Variants in CSMD1 observed in about 807,000 individuals in gnomAD.
CSMD1 encodes the protein CUB and sushi domain-containing protein 1.
A neutral mutation model predicts 417.5 loss-of-function variants in CSMD1; 213 were observed. The ratio of observed to expected loss-of-function variants is 0.51; its 90% CI spans 0.46 to 0.57. CSMD1 has a LOEUF of 0.57. CSMD1 is among the 20% of genes least tolerant of loss of function. The pLI is 0.00. For synonymous variants in CSMD1, 2,862 were observed against 1,736.8 expected, an observed-to-expected ratio of 1.65 and a Z score of -16.11; for missense variants, 6,923 against 4,529.7, an observed-to-expected ratio of 1.53 and a Z score of -15.17.
chr8:4,247,549 C>A (rs931146841), intron 3 of CSMD1, among the ~76,000 whole-genome samples: 4 of 152,106 alleles, frequency 2.6e-5, no homozygotes, highest in African/African-American at 9.7e-5. Flanking sequence ...GAATCAAAGG[C>A]TTTTAAGAAT....
chr8:4,658,568 A>G (rs1804384678), intron 1 of CSMD1, among the ~76,000 whole-genome samples: 1 of 152,154 alleles, frequency 6.6e-6, no homozygotes, highest in African/African-American at 2.4e-5. Flanking sequence ...AAATAAATAT[A>G]TTCACAAATT....
chr8:3,300,366 T>C (rs995896098), intron 25 of CSMD1, among the ~76,000 whole-genome samples: 2 of 152,092 alleles, frequency 1.3e-5, no homozygotes, highest in East Asian at 3.8e-4. Flanking sequence ...TAGGGGTTTT[T>C]TTTTCTGCAG....
intron 5 of CSMD1, among the ~76,000 whole-genome samples, chr8:3,913,937 A>G (rs1251520272): frequency 6.6e-6 from 1 of 151,898 alleles, no homozygotes; most frequent in Non-Finnish European, 1.5e-5. Context: ...AAATAAATTA[A>G]CGATCACTTT....
chr8:4,390,652 G>A (rs948047596), intron 3 of CSMD1, among the ~76,000 whole-genome samples: 5 of 151,564 alleles, frequency 3.3e-5, no homozygotes, highest in Admixed American at 6.6e-5. Context: ...GAGCTGGGAC[G>A]ACAGGCACCC....
intron 5 of CSMD1, among the ~76,000 whole-genome samples, chr8:3,910,586 T>C (rs979332201): frequency 2.6e-5 from 4 of 152,190 alleles, no homozygotes; most frequent in South Asian, 2.1e-4. Flanking sequence ...TGCATTATTT[T>C]TGGGTTCTAA....
intron 2 of CSMD1, among the ~76,000 whole-genome samples, chr8:4,625,118 G>A (rs958373810): frequency 1.3e-5 from 2 of 152,072 alleles, no homozygotes; most frequent in Admixed American, 1.3e-4. Flanking sequence ...CAGATGACAA[G>A]AGAACTATGA....
intron 3 of CSMD1, among the ~76,000 whole-genome samples, chr8:4,162,814 G>C (rs34370638): frequency 0.39 from 59,375 of 151,888 alleles, 11,816 homozygotes; most frequent in Middle Eastern, 0.5. Context: ...CTATGGGTGT[G>C]GATAAATATA....
At chr8:3,059,574 A>T (rs563708639) in intron 49 of CSMD1, among the ~76,000 whole-genome samples, 1 of 152,246 alleles carries the variant, frequency 6.6e-6, no homozygotes, top group East Asian at 1.9e-4. Context: ...GCACGTCAGG[A>T]CACCCTTCAG....
chr8:3,463,295 C>G (rs1214202803), intron 12 of CSMD1, among the ~76,000 whole-genome samples: 1 of 152,190 alleles, frequency 6.6e-6, no homozygotes, highest in Non-Finnish European at 1.5e-5. Context: ...AACTCAGGCT[C>G]TGCTTCCAAG....
At chr8:4,050,060 G>C (rs374578608) in intron 3 of CSMD1, among the ~76,000 whole-genome samples, 1 of 152,102 alleles carries the variant, frequency 6.6e-6, no homozygotes, top group Non-Finnish European at 1.5e-5. Context: ...CCCTCCTGTG[G>C]AACTTGTCTG....
chr8:4,615,980 A>G (rs1223726901), intron 2 of CSMD1, among the ~76,000 whole-genome samples: 3 of 152,298 alleles, frequency 2.0e-5, no homozygotes, highest in African/African-American at 7.2e-5. Flanking sequence ...TTCTTCTGTA[A>G]AAAACCACAT....
intron 3 of CSMD1, among the ~76,000 whole-genome samples, chr8:4,175,157 A>T (rs1045709715): frequency 6.7e-6 from 1 of 149,762 alleles, no homozygotes; most frequent in African/African-American, 2.4e-5. Context: ...ATCAAGAAAG[A>T]TCATTGTTGA....
chr8:4,305,629 C>G (rs1423888783), intron 3 of CSMD1, among the ~76,000 whole-genome samples: 5 of 152,156 alleles, frequency 3.3e-5, no homozygotes, highest in Non-Finnish European at 7.4e-5. Flanking sequence ...ACCGTTTTAG[C>G]TGAAGGACTC....
chr8:3,510,155 C>G (rs1340147304), intron 10 of CSMD1, among the ~76,000 whole-genome samples: 2 of 149,420 alleles, frequency 1.3e-5, no homozygotes, highest in Non-Finnish European at 2.9e-5. Flanking sequence ...TGTGTATATG[C>G]TTTTGTGAAA....
intron 5 of CSMD1, among the ~76,000 whole-genome samples, chr8:3,844,481 C>T (rs565018115): frequency 6.6e-6 from 1 of 152,236 alleles, no homozygotes; most frequent in Non-Finnish European, 1.5e-5. Context: ...TCAGAGAGAG[C>T]AATCTCTTTG....
chr8:3,181,147 A>G lies in CSMD1; in HGVS notation c.5688T>C (p.Ile1896=). The G allele has an allele frequency of 6.2e-7, 1 of 1,613,876 alleles. No individual in the cohort carries two copies. The highest frequency in any genetic ancestry group is 1.1e-5 in the South Asian group (1 of 91,042). ...GGTGGAAACCAGCAGCTGCCACACT[A>G]ATGTCAGACTGGAAATGCAGGTAGA... ...NQLYLHFQSD[I]SVAAAGFHLE... Residue 1896 remains isoleucine, a synonymous_variant, in exon 37 of 70, where the codon ATT becomes ATC. Coordinates refer to ENST00000635120, the MANE Select transcript of CSMD1 (RefSeq NM_033225.6).
intron 3 of CSMD1, among the ~76,000 whole-genome samples, chr8:4,181,281 A>G (rs573824739): frequency 3.3e-4 from 50 of 152,332 alleles, no homozygotes; most frequent in Non-Finnish European, 5.4e-4. Flanking sequence ...TCTGAATTTG[A>G]TATTTATTGT....
At chr8:4,588,107 C>T (rs996370583) in intron 2 of CSMD1, among the ~76,000 whole-genome samples, 1 of 152,076 alleles carries the variant, frequency 6.6e-6, no homozygotes, top group Non-Finnish European at 1.5e-5. Flanking sequence ...TCTGGCTTCC[C>T]TCTAGCTAGA....
At chr8:4,853,703 G>A (rs967636389) in intron 1 of CSMD1, among the ~76,000 whole-genome samples, 1 of 152,160 alleles carries the variant, frequency 6.6e-6, no homozygotes. Context: ...CCAAACTGAG[G>A]AATGGTAGAT....
Sources: allele counts gnomAD v4.1 joint callset (sites outside exome capture counted in the v4.1 genomes callset), GRCh38; gene constraint gnomAD v4.1.1; transcripts MANE v1.5; gene names NCBI Gene and HGNC (gene_info 2026-07-23, HGNC 2026-07-21).